Variants in OSTF1 observed in about 807,000 individuals in gnomAD.
The protein encoded by OSTF1 is osteoclast stimulating factor 1, also known as osteoclast-stimulating factor 1.
OSTF1 carries 27 observed loss-of-function variants against 37.2 expected under a neutral mutation model. That is an observed-to-expected ratio of 0.73 (90% CI 0.54 to 1.00). The LOEUF is 1.00. Ranked by LOEUF, OSTF1 falls within the 50% of genes least tolerant of loss-of-function variation. The probability of loss-of-function intolerance (pLI) is 0.00; values close to 1 mark genes in which losing one functional copy is unlikely to be tolerated. For synonymous variants in OSTF1, 82 were observed against 89.2 expected, an observed-to-expected ratio of 0.92 and a Z score of 0.46; for missense variants, 232 against 253.8, an observed-to-expected ratio of 0.91 and a Z score of 0.58.
At chr9:75,126,709 C>T (rs560727579) in intron 2 of OSTF1, among the ~76,000 whole-genome samples, 1 of 152,218 alleles carries the variant, frequency 6.6e-6, no homozygotes. Context: ...TTCTCTGCCT[C>T]AGCCTCCCGA....
At chr9:75,101,276 C>G (rs189502388) in intron 1 of OSTF1, among the ~76,000 whole-genome samples, 253 of 152,312 alleles carry the variant, frequency 1.7e-3, no homozygotes, top group Non-Finnish European at 3.0e-3. Flanking sequence ...TTCCAGGTCA[C>G]CAGGCAAGCC....
intron 1 of OSTF1, among the ~76,000 whole-genome samples, chr9:75,104,875 C>T (rs1188201402): frequency 6.6e-6 from 1 of 152,150 alleles, no homozygotes. Flanking sequence ...TCTTTGCTGC[C>T]ACTCCCTAAT....
intron 2 of OSTF1, among the ~76,000 whole-genome samples, chr9:75,118,239 G>A (rs376519722): frequency 1.3e-5 from 2 of 152,346 alleles, no homozygotes; most frequent in African/African-American, 4.8e-5. Flanking sequence ...TTCAGAGATG[G>A]CCTTTCTATA....
At chr9:75,101,847 T>A (rs185815501) in intron 1 of OSTF1, among the ~76,000 whole-genome samples, 11 of 152,322 alleles carry the variant, frequency 7.2e-5, no homozygotes, top group African/African-American at 2.6e-4. Flanking sequence ...TATATCCTGG[T>A]CTCTGTATCA....
At chr9:75,106,952 C>T (rs920845640) in intron 1 of OSTF1, among the ~76,000 whole-genome samples, 3 of 126,092 alleles carry the variant, frequency 2.4e-5, no homozygotes, top group Admixed American at 9.9e-5. Context: ...GACTCTGTCT[C>T]GGAAAAAAAA....
intron 1 of OSTF1, among the ~76,000 whole-genome samples, chr9:75,100,729 C>CAAA (rs36001530): frequency 1.0e-5 from 1 of 97,420 alleles, no homozygotes; most frequent in Admixed American, 1.1e-4. Flanking sequence ...AGACTCGTCT[C>CAAA]AAAAAAAAAA....
At chr9:75,133,185 GATTA>G (rs758741604) in intron 5 of OSTF1, 105 bp from the exon 6 acceptor site, 1 of 674,114 alleles carries the variant, frequency 1.5e-6, no homozygotes, top group East Asian at 2.6e-5. Context: ...AATACTTGCT[GATTA>G]ATCCATTGCA....
At chr9:75,117,052 AATG>A (rs1825502254) in intron 1 of OSTF1, among the ~76,000 whole-genome samples, 1 of 152,162 alleles carries the variant, frequency 6.6e-6, no homozygotes, top group Admixed American at 6.5e-5. Context: ...ATTGATATAT[AATG>A]ATATGTTTTT....
At chr9:75,098,612 C>T (rs1039904879) in intron 1 of OSTF1, among the ~76,000 whole-genome samples, 3 of 152,128 alleles carry the variant, frequency 2.0e-5, no homozygotes, top group African/African-American at 7.2e-5. Flanking sequence ...AACTCAGTAA[C>T]ATCAACTCTG....
chr9:75,088,521 G>A lies in OSTF1; in HGVS notation c.-172G>A, dbSNP rs745954641. ...CGCGGGGCGGGGCGGAGCACTCGGC[G>A]GAGCCGCTCTGCCTGCGTCCGCTCT... On this transcript the variant is annotated 5_prime_UTR_variant, in exon 1 of 10. Coordinates refer to ENST00000346234, the MANE Select transcript of OSTF1 (RefSeq NM_012383.5). 2.9e-6 allele frequency: 2 copies of A among 691,252 alleles called. No homozygotes were observed. Among genetic ancestry groups the A allele is most frequent in the Non-Finnish European group, 2.4e-6 (1 of 411,210 alleles). The allele number at this position is 691,252 out of a possible 1,614,324, so 42.8% of individuals were successfully genotyped here. A position where few individuals can be genotyped will look rare whatever the true frequency, so the allele number is the denominator to read the frequency against.
chr9:75,123,904 T>A (rs1158556839), intron 2 of OSTF1, among the ~76,000 whole-genome samples: 1 of 152,184 alleles, frequency 6.6e-6, no homozygotes, highest in Admixed American at 6.5e-5. Flanking sequence ...ATGGGTGGCT[T>A]GTGGCAGACA....
intron 1 of OSTF1, among the ~76,000 whole-genome samples, chr9:75,100,086 A>G (rs1825163116): frequency 1.3e-5 from 2 of 152,268 alleles, no homozygotes; most frequent in African/African-American, 4.8e-5. Context: ...TTACTTCTGC[A>G]TGTAGACAGT....
At chr9:75,099,812 G>T (rs1564154195) in intron 1 of OSTF1, among the ~76,000 whole-genome samples, 1 of 151,886 alleles carries the variant, frequency 6.6e-6, no homozygotes. Context: ...CTGGGCAATA[G>T]TGTGAGACTC....
At chr9:75,141,296 C>A (rs149158106) in intron 9 of OSTF1, among the ~76,000 whole-genome samples, 1 of 82,206 alleles carries the variant, frequency 1.2e-5, no homozygotes, top group South Asian at 4.4e-4. Context: ...AAGACCATAT[C>A]TCAAAAAAAG....
At chr9:75,128,381 TATATATATATATATATATA>T (rs1564164914) in intron 3 of OSTF1, among the ~76,000 whole-genome samples, 13 of 90,012 alleles carry the variant, frequency 1.4e-4, no homozygotes, top group African/African-American at 4.8e-4. Flanking sequence ...TATATATATA[TATATATATATATATATATA>T]TATATATTTT....
chr9:75,127,528 A>T (rs1232866960), intron 2 of OSTF1, 41 bp from the exon 3 acceptor site: 2 of 1,171,980 alleles, frequency 1.7e-6, no homozygotes, highest in African/African-American at 1.6e-5. Flanking sequence ...ATTCTAATTC[A>T]TGAAAAATCA....
intron 2 of OSTF1, among the ~76,000 whole-genome samples, chr9:75,121,296 T>G (rs1227467694): frequency 1.3e-5 from 2 of 152,174 alleles, no homozygotes; most frequent in Non-Finnish European, 2.9e-5. Context: ...TTTTGATGGG[T>G]TGTGTATTGA....
chr9:75,106,011 TGTTTTTA>T (rs1424340036), intron 1 of OSTF1, among the ~76,000 whole-genome samples: 7 of 152,258 alleles, frequency 4.6e-5, no homozygotes, highest in African/African-American at 1.7e-4. Flanking sequence ...CTCAGGCTAC[TGTTTTTA>T]AAGAGTCCGC....
intron 3 of OSTF1, 137 bp from the exon 4 acceptor site, chr9:75,130,441 C>A: frequency 1.6e-6 from 1 of 629,912 alleles, no homozygotes; most frequent in South Asian, 1.8e-5. Flanking sequence ...ACAGCTAGGG[C>A]GTGAGGAAGC....
Sources: allele counts gnomAD v4.1 joint callset (sites outside exome capture counted in the v4.1 genomes callset), GRCh38; gene constraint gnomAD v4.1.1; transcripts MANE v1.5; gene names NCBI Gene and HGNC (gene_info 2026-07-23, HGNC 2026-07-21).